The following SOS2 variants were observed in gnomAD, a reference collection of about 807,000 sequenced individuals.
SOS2 encodes the protein son of sevenless homolog 2.
Under a neutral mutation model 148.2 loss-of-function variants are expected in SOS2, and 65 were observed. That is an observed-to-expected ratio of 0.44 (90% CI 0.36 to 0.54). SOS2 has a LOEUF of 0.54. Among genes scored for constraint, SOS2 ranks in the 20% least tolerant of loss-of-function variants. The pLI, the probability that SOS2 is intolerant of heterozygous loss-of-function variation, is 0.00. For missense variants in SOS2, 1,341 were observed against 1,590.2 expected (o/e 0.84, Z 2.67); for synonymous variants, 539 against 537.1 (o/e 1.00, Z -0.05).
intron 1 of SOS2, among the ~76,000 whole-genome samples, chr14:50,230,523 T>C (rs901882979): frequency 2.0e-5 from 3 of 152,030 alleles, no homozygotes; most frequent in African/African-American, 7.3e-5. Flanking sequence ...TTTGCAGGAG[T>C]TGCCCCTTTC....
At chr14:50,184,507 G>C (rs1268107306) in intron 5 of SOS2, among the ~76,000 whole-genome samples, 1 of 151,982 alleles carries the variant, frequency 6.6e-6, no homozygotes, top group Non-Finnish European at 1.5e-5. Flanking sequence ...TTACAGTAGG[G>C]CCCCTAGATA....
intron 1 of SOS2, among the ~76,000 whole-genome samples, chr14:50,216,649 C>T (rs1887048184): frequency 6.6e-6 from 1 of 151,890 alleles, no homozygotes; most frequent in Non-Finnish European, 1.5e-5. Flanking sequence ...GCAGGAGAAT[C>T]GCTGGAACCC....
chr14:50,129,960 C>T lies in SOS2; in HGVS notation c.3379+1G>A, dbSNP rs1566818889. 4 of 1,569,424 alleles carry T rather than the reference C, an allele frequency of 2.5e-6. No individual in the cohort carries two copies. Among genetic ancestry groups the T allele is most frequent in the South Asian group, 1.1e-5 (1 of 87,980 alleles). On this transcript the variant is annotated splice_donor_variant, in intron 21 of 22. Coordinates refer to ENST00000216373, the MANE Select transcript of SOS2 (RefSeq NM_006939.4). LOFTEE classifies it high-confidence loss of function. ...TAAGAATCAACTTAAATTATACTTA[C>T]TTGAATGTGGCAAAAGCACTGGAGC...
chr14:50,122,391 C>CTTTTTTTTTTTTTTCTTTTTTTTTTTTT (rs1883542725), intron 21 of SOS2, among the ~76,000 whole-genome samples: 1 of 88,306 alleles, frequency 1.1e-5, no homozygotes, highest in African/African-American at 4.8e-5. Flanking sequence ...GAACCCTGGG[C>CTTTTTTTTTTTTTTCTTTTTTTTTTTTT]TTTTTTTTTT....
At chr14:50,215,328 A>G in intron 1 of SOS2, 10 of 1,204,640 alleles carry the variant, frequency 8.3e-6, no homozygotes, top group South Asian at 1.4e-5. Context: ...TTAATTTCAA[A>G]TATGAAAACA....
chr14:50,211,955 T>C (rs1251680827), intron 1 of SOS2, among the ~76,000 whole-genome samples: 2 of 152,102 alleles, frequency 1.3e-5, no homozygotes, highest in Admixed American at 1.3e-4. Flanking sequence ...ATTAATACAA[T>C]GGAATACACA....
In SOS2 at chr14:50,194,503, C is replaced by T. The variant is rs1886255250; in HGVS notation, c.510+5188G>A. 3.1e-5 allele frequency among the ~76,000 whole-genome samples: 4 copies of T among 128,134 alleles called. No homozygotes were observed. In the South Asian group the frequency reaches 7.6e-4, roughly 24 times the overall value. 84.1% of individuals were successfully genotyped at this position (128,134 alleles called of 152,430 possible). On this transcript the variant is annotated intron_variant, in intron 4 of 22. Coordinates refer to ENST00000216373, the MANE Select transcript of SOS2 (RefSeq NM_006939.4). ...TTTAAGATGGAGTATTGGCTGGGCG[C>T]GGGGGCTTACACCTGTAATCCCAGC...
Position 50,138,738 on chromosome 14 carries a change from A to G in SOS2, c.2832T>C (p.Asp944=). ...AATCTTTCCCTTTCTTTTTTAAAAA[A>G]TCATTATTCCCTTCTTCGGTCTTCA... The part of the protein sequence containing the change: ...NILKTEEGNN[D]FLKKKGKDLI... Residue 944 remains aspartate, a synonymous_variant, in exon 18 of 23, where the codon GAT becomes GAC. Coordinates refer to ENST00000216373, the MANE Select transcript of SOS2 (RefSeq NM_006939.4). 1.7e-6 allele frequency: 2 copies of G among 1,197,530 alleles called. No homozygotes were observed. Among genetic ancestry groups the G allele is most frequent in the South Asian group, 1.4e-5 (1 of 73,862 alleles). The allele number at this position is 1,197,530 out of a possible 1,614,324, so 74.2% of individuals were successfully genotyped here. A position where few individuals can be genotyped will look rare whatever the true frequency, so the allele number is the denominator to read the frequency against.
intron 21 of SOS2, among the ~76,000 whole-genome samples, chr14:50,124,897 T>C (rs1883634883): frequency 6.6e-6 from 1 of 152,222 alleles, no homozygotes; most frequent in Non-Finnish European, 1.5e-5. Context: ...AATGCAGTTA[T>C]TCTCAATTTT....
chr14:50,139,889 CTT>C, intron 17 of SOS2, 51 bp downstream of exon 17: 1 of 855,592 alleles, frequency 1.2e-6, no homozygotes, highest in East Asian at 2.4e-5. Context: ...AGACTGCTCT[CTT>C]TTGGCTATCA....
At chr14:50,213,074 A>G (rs1886931020) in intron 1 of SOS2, among the ~76,000 whole-genome samples, 1 of 152,218 alleles carries the variant, frequency 6.6e-6, no homozygotes. Context: ...AATATGGAAT[A>G]AAGAAAATAA....
Position 50,139,969 on chromosome 14 carries a change from T to C in SOS2, c.2758A>G (p.Ile920Val), listed in dbSNP as rs755783805. 2.1e-5 allele frequency: 33 copies of C among 1,588,468 alleles called. No homozygotes were observed. The highest frequency in any genetic ancestry group is 1.8e-4 in the Admixed American group (11 of 59,650). ...FKKYLVKLKS[I>V]NPPCVPFFGI... ...AAAAAAGGCACACAAGGTGGATTGA[T>C]TGACTTAAGTTTTACTAGGTATTTT... Residue 920 changes from isoleucine to valine, a missense_variant, in exon 17 of 23, where the codon ATC becomes GTC. Around this residue, in one of 4 missense-constraint regions of SOS2, gnomAD observed 408 missense variants for 506.6 expected, o/e 0.81. Coordinates refer to ENST00000216373, the MANE Select transcript of SOS2 (RefSeq NM_006939.4).
At chr14:50,208,194 G>A (rs1022614483) in intron 1 of SOS2, among the ~76,000 whole-genome samples, 5 of 152,296 alleles carry the variant, frequency 3.3e-5, no homozygotes, top group African/African-American at 7.2e-5. Flanking sequence ...ATACTTGGGA[G>A]GCTGAGGCAG....
intron 16 of SOS2, among the ~76,000 whole-genome samples, chr14:50,140,624 T>C (rs1884240015): frequency 6.6e-6 from 1 of 152,220 alleles, no homozygotes; most frequent in Admixed American, 6.5e-5. Context: ...TTCAGTCAAT[T>C]TCCTTTAAAT....
chr14:50,194,720 G>A (rs1327479389), intron 4 of SOS2, among the ~76,000 whole-genome samples: 1 of 151,114 alleles, frequency 6.6e-6, no homozygotes, highest in Admixed American at 6.6e-5. Flanking sequence ...AGAGGTTGCA[G>A]TGAGCCAAGA....
chr14:50,225,189 A>C (rs1887331955), intron 1 of SOS2, among the ~76,000 whole-genome samples: 1 of 152,158 alleles, frequency 6.6e-6, no homozygotes, highest in Non-Finnish European at 1.5e-5. Context: ...TCCTGGCCTC[A>C]AGCAATCCTC....
intron 14 of SOS2, 92 bp from the exon 15 acceptor site, chr14:50,145,688 C>A: frequency 1.3e-6 from 1 of 777,810 alleles, no homozygotes; most frequent in Non-Finnish European, 2.1e-6. Flanking sequence ...GACAATTAAC[C>A]CAAAAGACAG....
chr14:50,191,535 C>T (rs1445881034), intron 4 of SOS2, among the ~76,000 whole-genome samples: 1 of 152,134 alleles, frequency 6.6e-6, no homozygotes, highest in Non-Finnish European at 1.5e-5. Context: ...GCTTCTGATA[C>T]ACCATTCTGT....
intron 7 of SOS2, among the ~76,000 whole-genome samples, chr14:50,178,671 C>CAT (rs1170021476): frequency 0.094 from 1,334 of 14,200 alleles, 13 homozygotes; most frequent in Non-Finnish European, 0.12. Context: ...TGTGTGTGTG[C>CAT]ATATATATAT....
Sources: allele counts gnomAD v4.1 joint callset (sites outside exome capture counted in the v4.1 genomes callset), GRCh38; gene constraint gnomAD v4.1.1; regional missense constraint gnomAD v4.1.1; transcripts MANE v1.5; gene names NCBI Gene and HGNC (gene_info 2026-07-23, HGNC 2026-07-21).